Variants in GRIN2B observed in about 807,000 individuals in gnomAD.
GRIN2B encodes the protein glutamate ionotropic receptor NMDA type subunit 2B.
In GRIN2B, 5 loss-of-function variants were observed where a neutral mutation model predicts 114.5. That is an observed-to-expected ratio of 0.04 (90% CI 0.02 to 0.09). GRIN2B has a LOEUF of 0.09. Ranked by LOEUF, GRIN2B falls within the 10% of genes least tolerant of loss-of-function variation. The probability of loss-of-function intolerance (pLI) is 1.00; values close to 1 mark genes in which losing one functional copy is unlikely to be tolerated. For missense variants in GRIN2B, 1,108 were observed against 1,943.5 expected (o/e 0.57, Z 8.08); for synonymous variants, 787 against 745.1 (o/e 1.06, Z -0.92).
intron 10 of GRIN2B, among the ~76,000 whole-genome samples, chr12:13,577,674 T>C (rs1483975520): frequency 3.9e-5 from 6 of 152,246 alleles, no homozygotes; most frequent in African/African-American, 1.4e-4. Flanking sequence ...ATTCAATACC[T>C]ATGTATGTAC....
chr12:13,819,792 T>C (rs1236100315), intron 3 of GRIN2B, among the ~76,000 whole-genome samples: 1 of 152,232 alleles, frequency 6.6e-6, no homozygotes, highest in African/African-American at 2.4e-5. Context: ...TTTGCATATC[T>C]GAACCTGTTG....
intron 5 of GRIN2B, among the ~76,000 whole-genome samples, chr12:13,660,504 A>G (rs766136669): frequency 3.3e-5 from 5 of 152,196 alleles, no homozygotes; most frequent in Non-Finnish European, 5.9e-5. Context: ...GGATACAGGC[A>G]GCAAAAGCAA....
At chr12:13,840,963 G>A (rs372010156) in intron 3 of GRIN2B, among the ~76,000 whole-genome samples, 18 of 152,180 alleles carry the variant, frequency 1.2e-4, no homozygotes, top group South Asian at 2.1e-4. Flanking sequence ...TATGAATAAC[G>A]CCCTATAGCC....
rs764525 is a variant in GRIN2B at position 13,559,053 on chromosome 12, T to C, written c.*3730A>G. 4,726 of 152,306 alleles carry C rather than the reference T, an allele frequency of 0.031. 109 individuals are homozygous for C. The highest frequency in any genetic ancestry group is 0.095 in the East Asian group (490 of 5,184). The allele number at this position is 152,306 out of a possible 1,614,324, so 9.4% of individuals were successfully genotyped here. A position where few individuals can be genotyped will look rare whatever the true frequency, so the allele number is the denominator to read the frequency against. ...AGGGTATCTGCGGAATCTCACAGTT[T>C]TGGATGGATTGGGTGTTGTTTCATA... On this transcript the variant is annotated 3_prime_UTR_variant, in exon 14 of 14. Coordinates refer to ENST00000609686, the MANE Select transcript of GRIN2B (RefSeq NM_000834.5).
At chr12:13,628,964 G>A (rs763668752) in intron 5 of GRIN2B, among the ~76,000 whole-genome samples, 9 of 152,188 alleles carry the variant, frequency 5.9e-5, no homozygotes, top group Middle Eastern at 3.4e-3. Context: ...AGGCAATGAG[G>A]GAGCACAAAT....
At chr12:13,636,411 C>T (rs1949666070) in intron 5 of GRIN2B, among the ~76,000 whole-genome samples, 1 of 152,118 alleles carries the variant, frequency 6.6e-6, no homozygotes, top group Admixed American at 6.6e-5. Flanking sequence ...ATAGCAGACA[C>T]AAACTATTAC....
intron 3 of GRIN2B, among the ~76,000 whole-genome samples, chr12:13,762,775 A>G (rs1190615444): frequency 6.6e-6 from 1 of 152,250 alleles, no homozygotes; most frequent in Non-Finnish European, 1.5e-5. Flanking sequence ...GAGACTAGGC[A>G]TGGCTGAGTT....
rs201866998 is a variant in GRIN2B, at chr12:13,564,092, T to C, written c.3146A>G (p.Tyr1049Cys). 2 of 1,614,156 alleles carry C rather than the reference T, an allele frequency of 1.2e-6. No homozygotes were observed. Among genetic ancestry groups the C allele is most frequent in the African/African-American group, 2.7e-5 (2 of 75,060 alleles). The change falls in exon 14 of 14, where the codon TAC becomes TGC. Residue 1049 changes from tyrosine (Y) to cysteine (C), a missense_variant. Tyr to Cys is a radical substitution (Grantham distance 194). Transcript: ENST00000609686. This position sits in a 1 kb window ranked among gnomAD's most constrained non-coding sequence, Gnocchi z 4.8. ...GCGGATCAAGTCGTCGTGGCCACTG[T>C]AGCGGTCGCTCTTGAAGGAGAATTT... ...YGKFSFKSDR[Y>C]SGHDDLIRSD...
chr12:13,608,136 T>A (rs1949311690), intron 10 of GRIN2B, among the ~76,000 whole-genome samples: 1 of 152,188 alleles, frequency 6.6e-6, no homozygotes, highest in South Asian at 2.1e-4. Flanking sequence ...GACACAATGC[T>A]TCTTCCTGCT....
chr12:13,636,679 G>A (rs1417090712), intron 5 of GRIN2B, among the ~76,000 whole-genome samples: 2 of 152,158 alleles, frequency 1.3e-5, no homozygotes, highest in Non-Finnish European at 2.9e-5. Flanking sequence ...GTGAATGGTG[G>A]TGACATTTAC....
intron 2 of GRIN2B, among the ~76,000 whole-genome samples, chr12:13,927,593 G>A: frequency 6.6e-6 from 1 of 151,840 alleles, no homozygotes; most frequent in East Asian, 1.9e-4. Context: ...GCCCTAGATG[G>A]TTATATGGAA....
At chr12:13,911,088 C>T (rs1866620546) in intron 2 of GRIN2B, among the ~76,000 whole-genome samples, 1 of 152,184 alleles carries the variant, frequency 6.6e-6, no homozygotes, top group East Asian at 1.9e-4. Context: ...CCTCTACTGT[C>T]GCACCTACTA....
In GRIN2B at chr12:13,551,046, G is replaced by A. The variant is rs1948405087; in HGVS notation, c.*11737C>T. ...CTACTTCATGTTTTTCTCAGTAAGA[G>A]TTCCACCTCCACCTAGATGCTTCAC... On this transcript the variant is annotated 3_prime_UTR_variant, in exon 14 of 14. Transcript: ENST00000609686. 4.1e-5 allele frequency: 1 copy of A among 24,242 alleles called. No homozygotes were observed. Among genetic ancestry groups the A allele is most frequent in the Non-Finnish European group, 2.8e-3 (1 of 352 alleles). 1.5% of individuals were successfully genotyped at this position (24,242 alleles called of 1,614,324 possible).
At chr12:13,855,854 G>A (rs1463570679) in intron 3 of GRIN2B, among the ~76,000 whole-genome samples, 1 of 152,208 alleles carries the variant, frequency 6.6e-6, no homozygotes, top group Non-Finnish European at 1.5e-5. Flanking sequence ...ACCCAGTGCA[G>A]TGTGTATAGA....
intron 4 of GRIN2B, among the ~76,000 whole-genome samples, chr12:13,708,521 G>C (rs753287728): frequency 6.6e-6 from 1 of 151,980 alleles, no homozygotes; most frequent in African/African-American, 2.4e-5. Context: ...CATGAAATAA[G>C]TCTATCCTTT....
Position 13,552,807 on chromosome 12 carries a change from G to A in GRIN2B, c.*9976C>T, listed in dbSNP as rs1292955322. 6.6e-6 allele frequency: 1 copy of A among 152,052 alleles called. No individual in the cohort carries two copies. The highest frequency in any genetic ancestry group is 1.5e-5 in the Non-Finnish European group (1 of 68,008). The allele number at this position is 152,052 out of a possible 1,614,324, so 9.4% of individuals were successfully genotyped here. ...AGACTTATATTTTAATTTTCACTAG[G>A]TATCTCCCAAGTTGTCACAAGTTTT... On this transcript the variant is annotated 3_prime_UTR_variant, in exon 14 of 14. Coordinates refer to ENST00000609686, the MANE Select transcript of GRIN2B (RefSeq NM_000834.5).
rs771038240 is a variant in GRIN2B at position 13,615,485 on chromosome 12, A to T, written c.1500+8T>A. 16 of 1,609,452 alleles carry T rather than the reference A, an allele frequency of 9.9e-6. No individual in the cohort carries two copies. The highest frequency in any genetic ancestry group is 8.8e-5 in the South Asian group (8 of 90,956). Reference sequence around the variant, plus strand: ...ATGGAAATGGAAACAGCCCTTGTGGACACTCACCTCTCCAATCATACCATT... The same window carrying T: ...ATGGAAATGGAAACAGCCCTTGTGGTCACTCACCTCTCCAATCATACCATT... On this transcript the variant is annotated splice_region_variant and intron_variant, in intron 7 of 13. Transcript: ENST00000609686. This position sits in a 1 kb window ranked among gnomAD's most constrained non-coding sequence, Gnocchi z 5.8.
intron 2 of GRIN2B, among the ~76,000 whole-genome samples, chr12:13,869,471 T>A (rs1232511308): frequency 6.6e-6 from 1 of 152,180 alleles, no homozygotes; most frequent in Non-Finnish European, 1.5e-5. Flanking sequence ...ATTGTTAATA[T>A]TTGACCATTT....
chr12:13,770,727 C>T (rs138553062), intron 3 of GRIN2B, among the ~76,000 whole-genome samples: 292 of 152,218 alleles, frequency 1.9e-3, no homozygotes, highest in African/African-American at 6.6e-3. Flanking sequence ...TCCATGTGTT[C>T]TCATTGCTCA....
Sources: allele counts gnomAD v4.1 joint callset (sites outside exome capture counted in the v4.1 genomes callset), GRCh38; gene constraint gnomAD v4.1.1; non-coding constraint Gnocchi (gnomAD v3.1); transcripts MANE v1.5; gene names NCBI Gene and HGNC (gene_info 2026-07-23, HGNC 2026-07-21).